The following HNRNPU variants were observed in gnomAD, a reference collection of about 807,000 sequenced individuals.
The protein encoded by HNRNPU is heterogeneous nuclear ribonucleoprotein U.
A neutral mutation model predicts 94.7 loss-of-function variants in HNRNPU; 5 were observed. The ratio of observed to expected loss-of-function variants is 0.05; its 90% CI spans 0.03 to 0.11. The LOEUF is 0.11. Ranked by LOEUF, HNRNPU falls within the 10% of genes least tolerant of loss-of-function variation. The pLI, the probability that HNRNPU is intolerant of heterozygous loss-of-function variation, is 1.00. For synonymous variants in HNRNPU, 434 were observed against 381.6 expected (o/e 1.14, Z -1.60); for missense variants, 710 against 1,049.2 (o/e 0.68, Z 4.47).
rs1233558404 is a variant in HNRNPU at position 244,858,028 on chromosome 1, C to G, written c.1477G>C (p.Glu493Gln). The part of the protein sequence containing the change: ...DRVRGPKGPE[E>Q]KKDCEVVMMI... Reference sequence around the variant, plus strand: ...TCCCTTACTTCACAATCTTTCTTCTCTTCAGGCCCCTTTGGTCCTCTAACT... The same window carrying G: ...TCCCTTACTTCACAATCTTTCTTCTGTTCAGGCCCCTTTGGTCCTCTAACT... Residue 493 changes from glutamate (E) to glutamine (Q), a missense_variant, in exon 7 of 14, where the codon GAG becomes CAG. Glu to Gln is a conservative substitution (Grantham distance 29). This residue lies in a region of HNRNPU where 150 missense variants were observed against 187.9 expected (regional missense o/e 0.80). Transcript: ENST00000640218. The G allele has an allele frequency of 6.2e-7, 1 of 1,608,770 alleles. No individual in the cohort carries two copies. The highest frequency in any genetic ancestry group is 8.5e-7 in the Non-Finnish European group (1 of 1,178,392).
chr1:244,854,986 T>C lies in HNRNPU; in HGVS notation c.2411A>G (p.Gln804Arg). ...GAAATTACTTACACCCTGCTGCCACTGGTTGTAGCCCTGAGATTGATTTTT... is the reference window on the plus strand; with the variant it reads ...GAAATTACTTACACCCTGCTGCCACCGGTTGTAGCCCTGAGATTGATTTTT... ...GYKNQSQGYN[Q>R]WQQGQFWGQK... Residue 804 changes from glutamine (Q) to arginine (R), a missense_variant, in exon 13 of 14, where the codon CAG (glutamine) becomes CGG (arginine). By Grantham distance (43) the Gln-to-Arg change is conservative. Transcript: ENST00000640218. 1 of 1,612,800 alleles carries C rather than the reference T, an allele frequency of 6.2e-7. No individual in the cohort carries two copies. The highest frequency in any genetic ancestry group is 8.5e-7 in the Non-Finnish European group (1 of 1,178,776).
At chr1:244,862,582 A>G (rs1038446948) in intron 2 of HNRNPU, 37 bp downstream of exon 2, 2 of 1,608,040 alleles carry the variant, frequency 1.2e-6, no homozygotes, top group Non-Finnish European at 1.7e-6. Context: ...TCAACGAACG[A>G]ATAAGGGATG....
chr1:244,858,057 T>G lies in HNRNPU; in HGVS notation c.1448A>C (p.Asp483Ala). The G allele has an allele frequency of 6.2e-7, 1 of 1,614,010 alleles. No individual in the cohort carries two copies. The highest frequency in any genetic ancestry group is 8.5e-7 in the Non-Finnish European group (1 of 1,179,944). ...AGGCCCCTTTGGTCCTCTAACTCGA[T>G]CCTCTAAGGGGACGTTCTGGATGAA... ...YTFIQNVPLEDRVRGPKGPEE... is the reference protein window; with the variant it reads ...YTFIQNVPLEARVRGPKGPEE... The change falls in exon 7 of 14, where the codon GAT becomes GCT. Residue 483 changes from aspartate to alanine, a missense_variant. Coordinates refer to ENST00000640218, the MANE Select transcript of HNRNPU (RefSeq NM_031844.3).
Position 244,851,965 on chromosome 1 carries a change from T to C in HNRNPU, c.*2485A>G, listed in dbSNP as rs896827727. 1 of 152,210 alleles carries C rather than the reference T, an allele frequency of 6.6e-6. No individual in the cohort carries two copies. Among genetic ancestry groups the C allele is most frequent in the African/African-American group, 2.4e-5 (1 of 41,452 alleles). 9.4% of individuals were successfully genotyped at this position (152,210 alleles called of 1,614,324 possible). A position where few individuals can be genotyped will look rare whatever the true frequency, so the allele number is the denominator to read the frequency against. ...ACACTCAGCATGTGTTATTCTACTTTAAAATATAACCTTAGTGAAAGCACC... is the reference window on the plus strand; with the variant it reads ...ACACTCAGCATGTGTTATTCTACTTCAAAATATAACCTTAGTGAAAGCACC... On this transcript the variant is annotated 3_prime_UTR_variant, in exon 14 of 14. Transcript: ENST00000640218.
Position 244,857,999 on chromosome 1 carries a change from A to G in HNRNPU, c.1494+12T>C. Reference sequence around the variant, plus strand: ...TTCAAATGCCACAGTTAAAAAAAAAAAAATCCCTTACTTCACAATCTTTCT... The same window carrying G: ...TTCAAATGCCACAGTTAAAAAAAAAGAAATCCCTTACTTCACAATCTTTCT... On this transcript the variant is annotated intron_variant, in intron 7 of 13. Coordinates refer to ENST00000640218, the MANE Select transcript of HNRNPU (RefSeq NM_031844.3). 6.4e-7 allele frequency: 1 copy of G among 1,573,512 alleles called. No individual in the cohort carries two copies. Among genetic ancestry groups the G allele is most frequent in the Non-Finnish European group, 8.6e-7 (1 of 1,166,044 alleles).
Position 244,858,843 on chromosome 1 carries a change from TAAG to T in HNRNPU, c.1118-5_1118-3del. 2 of 1,307,748 alleles carry T rather than the reference TAAG, an allele frequency of 1.5e-6. No individual in the cohort carries two copies. Among genetic ancestry groups the T allele is most frequent in the Non-Finnish European group, 2.2e-6 (2 of 905,434 alleles). 81.0% of individuals were successfully genotyped at this position (1,307,748 alleles called of 1,614,324 possible). ...ACCCATAAGAAAATTCTTCTTCACC[TAAG>T]AAAATAATTAATCTTCATGAAGTAG... On this transcript the variant is annotated splice_region_variant and splice_polypyrimidine_tract_variant and intron_variant, in intron 5 of 13. Coordinates refer to ENST00000640218, the MANE Select transcript of HNRNPU (RefSeq NM_031844.3).
intron 4 of HNRNPU, 92 bp downstream of exon 4, chr1:244,860,243 G>A: frequency 1.8e-6 from 2 of 1,101,364 alleles, no homozygotes; most frequent in Non-Finnish European, 2.6e-6. Flanking sequence ...GGAGGTTGCA[G>A]TGAGCCTAGG....
At chr1:244,858,972 C>G (rs1680753622) in intron 5 of HNRNPU, 131 bp from the exon 6 acceptor site, 1 of 605,344 alleles carries the variant, frequency 1.7e-6, no homozygotes, top group Non-Finnish European at 2.9e-6. Flanking sequence ...GACACTATTA[C>G]TTTTCTATCT....
intron 5 of HNRNPU, 47 bp from the exon 6 acceptor site, chr1:244,858,888 A>G: frequency 1.1e-6 from 1 of 897,384 alleles, no homozygotes. Flanking sequence ...AAAATAGTCC[A>G]AAGACTCATC....
chr1:244,856,642 TTA>T lies in HNRNPU; in HGVS notation c.1744-19_1744-18del, dbSNP rs773878216. 2.5e-6 allele frequency: 4 copies of T among 1,611,850 alleles called. No individual in the cohort carries two copies. Among genetic ancestry groups the T allele is most frequent in the African/African-American group, 1.3e-5 (1 of 74,664 alleles). ...CACATTTGTCTTTAAAAAAAGAAAT[TTA>T]TGTTTACAACCCTAAACATTAATTC... On this transcript the variant is annotated intron_variant, in intron 9 of 13. Coordinates refer to ENST00000640218, the MANE Select transcript of HNRNPU (RefSeq NM_031844.3).
chr1:244,855,855 C>A, intron 11 of HNRNPU, 49 bp downstream of exon 11: 2 of 1,590,992 alleles, frequency 1.3e-6, no homozygotes, highest in South Asian at 2.3e-5. Context: ...ATAAAATTAT[C>A]ACTTGTTTCG....
intron 8 of HNRNPU, 100 bp from the exon 9 acceptor site, chr1:244,856,956 TTA>T: frequency 1.0e-6 from 1 of 987,588 alleles, no homozygotes; most frequent in Non-Finnish European, 1.5e-6. Flanking sequence ...AGGCAACATT[TTA>T]TAATTTAAAT....
chr1:244,855,618 A>C lies in HNRNPU; in HGVS notation c.2168-10T>G. 1 of 1,613,598 alleles carries C rather than the reference A, an allele frequency of 6.2e-7. No homozygotes were observed. Among genetic ancestry groups the C allele is most frequent in the Non-Finnish European group, 8.5e-7 (1 of 1,179,646 alleles). Reference sequence around the variant, plus strand: ...CCACGATTCCCAGGGGCTAAAAGACAAGAGCTGTTTTAGTTTCATTGTATA... The same window carrying C: ...CCACGATTCCCAGGGGCTAAAAGACCAGAGCTGTTTTAGTTTCATTGTATA... On this transcript the variant is annotated splice_polypyrimidine_tract_variant and intron_variant, in intron 11 of 13. Transcript: ENST00000640218.
intron 6 of HNRNPU, 105 bp from the exon 7 acceptor site, chr1:244,858,379 G>A: frequency 3.7e-6 from 4 of 1,076,734 alleles, no homozygotes; most frequent in Non-Finnish European, 5.3e-6. Flanking sequence ...GAAGCTACAG[G>A]TTAAAGAACT....
chr1:244,855,241 T>C (rs1347026268), intron 12 of HNRNPU, 183 bp downstream of exon 12: 5 of 732,532 alleles, frequency 6.8e-6, no homozygotes, highest in Non-Finnish European at 1.2e-5. Flanking sequence ...ATCTGACTTG[T>C]TTAGTACACC....
chr1:244,859,262 A>G lies in HNRNPU; in HGVS notation c.1117+13T>C. 1 of 1,406,258 alleles carries G rather than the reference A, an allele frequency of 7.1e-7. No homozygotes were observed. The highest frequency in any genetic ancestry group is 1.8e-4 in the Middle Eastern group (1 of 5,618). 87.1% of individuals were successfully genotyped at this position (1,406,258 alleles called of 1,614,324 possible). A position where few individuals can be genotyped will look rare whatever the true frequency, so the allele number is the denominator to read the frequency against. On this transcript the variant is annotated intron_variant, in intron 5 of 13. Coordinates refer to ENST00000640218, the MANE Select transcript of HNRNPU (RefSeq NM_031844.3). ...ACATTCATGAGCCCACATCAGTCAA[A>G]AAGAAGCTTTACCAAGTAACATTCC... is the stretch of plus-strand genomic sequence containing the variant.
Position 244,855,524 on chromosome 1 carries a change from T to A in HNRNPU, c.2252A>T (p.Tyr751Phe). 6.2e-7 allele frequency: 1 copy of A among 1,614,058 alleles called. No homozygotes were observed. Among genetic ancestry groups the A allele is most frequent in the South Asian group, 1.1e-5 (1 of 91,086 alleles). ...AAAAACAGGGGCACGAGGGTATGGA[T>A]AGCCGATTCCACCACTTCCTCCACC... ...GGGGGSGGIGYPYPRAPVFPG... is the reference protein window; with the variant it reads ...GGGGGSGGIGFPYPRAPVFPG... The change falls in exon 12 of 14, where the codon TAT becomes TTT. Residue 751 changes from tyrosine (Y) to phenylalanine (F), a missense_variant. Physicochemically the swap from Tyr to Phe is conservative, Grantham distance 22. Transcript: ENST00000640218.
At chr1:244,861,281 T>G (rs1038687018) in intron 3 of HNRNPU, 6 of 152,242 alleles carry the variant, frequency 3.9e-5, no homozygotes, top group African/African-American at 1.4e-4. Flanking sequence ...CAACAGAATT[T>G]AATTCAACAG....
intron 3 of HNRNPU, chr1:244,860,918 G>C (rs983018638): frequency 5.8e-6 from 1 of 171,714 alleles, no homozygotes; most frequent in African/African-American, 2.4e-5. Flanking sequence ...AGCTGCTGTT[G>C]ATCCTGCACC....
Sources: gnomAD v4.1 joint callset for allele counts on GRCh38, gnomAD v4.1.1 for gene constraint, gnomAD v4.1.1 regional missense constraint, MANE v1.5 for transcripts, NCBI Gene and HGNC (gene_info 2026-07-23, HGNC 2026-07-21) for gene names.